ARHGEF38: variants seen among roughly 807,000 people sequenced by gnomAD.
ARHGEF38 encodes the protein Rho guanine nucleotide exchange factor 38, also known as Rho guanine nucleotide exchange factor (GEF) 38.
In ARHGEF38, 79 loss-of-function variants were observed where a neutral mutation model predicts 79.9. The observed-to-expected ratio is 0.99, with a 90% CI of 0.82 to 1.19. The LOEUF (loss-of-function observed/expected upper bound fraction) is 1.19. ARHGEF38 is among the 50% of genes most tolerant of loss of function. The pLI is 0.00. For synonymous variants in ARHGEF38, 366 were observed against 328.3 expected, an observed-to-expected ratio of 1.11 and a Z score of -1.24; for missense variants, 962 against 907.2, an observed-to-expected ratio of 1.06 and a Z score of -0.78.
intron 10 of ARHGEF38, among the ~76,000 whole-genome samples, chr4:105,661,001 A>G (rs1316724520): frequency 1.3e-5 from 2 of 152,084 alleles, no homozygotes; most frequent in East Asian, 3.9e-4. Flanking sequence ...TAACCTCCCC[A>G]GCTCTAGGCA....
chr4:105,624,301 C>G (rs760499989), intron 3 of ARHGEF38, among the ~76,000 whole-genome samples: 11 of 152,162 alleles, frequency 7.2e-5, no homozygotes, highest in Non-Finnish European at 1.3e-4. Context: ...GAGTTATGAT[C>G]TGAAGCTAGA....
At chr4:105,639,096 T>C (rs536257701) in intron 5 of ARHGEF38, among the ~76,000 whole-genome samples, 2 of 152,196 alleles carry the variant, frequency 1.3e-5, no homozygotes, top group African/African-American at 4.8e-5. Context: ...AATATTGATA[T>C]CTTTATAACT....
chr4:105,560,160 T>C (rs1469686423), intron 1 of ARHGEF38, among the ~76,000 whole-genome samples: 2 of 152,336 alleles, frequency 1.3e-5, no homozygotes, highest in Non-Finnish European at 2.9e-5. Context: ...GTTTTTCACT[T>C]TGGAATATAT....
intron 2 of ARHGEF38, among the ~76,000 whole-genome samples, chr4:105,600,681 C>A (rs193235910): frequency 6.6e-6 from 1 of 152,158 alleles, no homozygotes; most frequent in Admixed American, 6.6e-5. Flanking sequence ...CCACTCAAAT[C>A]TCTACTTAAT....
intron 13 of ARHGEF38, among the ~76,000 whole-genome samples, chr4:105,674,496 G>T (rs531753382): frequency 1.2e-3 from 180 of 152,150 alleles, no homozygotes; most frequent in African/African-American, 3.9e-3. Flanking sequence ...GTTCTTAAAT[G>T]CATGACAGGT....
intron 1 of ARHGEF38, among the ~76,000 whole-genome samples, chr4:105,565,350 TG>T (rs1376624799): frequency 6.6e-6 from 1 of 152,188 alleles, no homozygotes; most frequent in African/African-American, 2.4e-5. Context: ...CATCTTTCTG[TG>T]GGTCAGATTT....
chr4:105,631,484 G>C, intron 4 of ARHGEF38: 1 of 985,798 alleles, frequency 1.0e-6, no homozygotes, highest in Non-Finnish European at 1.2e-6. Context: ...TCACTGTGGG[G>C]AGATGGGTGA....
Position 105,664,212 on chromosome 4 carries a change from C to T in ARHGEF38, c.1546-1965C>T, listed in dbSNP as rs147696784. On this transcript the variant is annotated intron_variant, in intron 10 of 13. Coordinates refer to ENST00000420470, the MANE Select transcript of ARHGEF38 (RefSeq NM_001242729.2). ...CTCTATCTTTTTGAAGAATTCAAAGCTCTATTTTTAATTTTCATTTTTATT... is the reference window on the plus strand; with the variant it reads ...CTCTATCTTTTTGAAGAATTCAAAGTTCTATTTTTAATTTTCATTTTTATT... Among the ~76,000 whole-genome samples, 1,442 of 152,218 alleles carry T rather than the reference C, an allele frequency of 9.5e-3. 5 individuals are homozygous for T. Among genetic ancestry groups the T allele is most frequent in the Non-Finnish European group, 0.015 (1,006 of 67,994 alleles).
intron 3 of ARHGEF38, among the ~76,000 whole-genome samples, chr4:105,625,820 G>C (rs1176831074): frequency 1.3e-5 from 2 of 152,140 alleles, no homozygotes; most frequent in East Asian, 1.9e-4. Flanking sequence ...AGCAAGCTCT[G>C]TCACCCACCC....
intron 2 of ARHGEF38, among the ~76,000 whole-genome samples, chr4:105,595,923 C>T (rs1727558355): frequency 6.6e-6 from 1 of 152,166 alleles, no homozygotes; most frequent in Non-Finnish European, 1.5e-5. Context: ...AGAGGGTTGA[C>T]TGTATGCCAT....
intron 13 of ARHGEF38, among the ~76,000 whole-genome samples, chr4:105,671,041 C>T (rs1044341747): frequency 6.6e-6 from 1 of 152,008 alleles, no homozygotes; most frequent in Non-Finnish European, 1.5e-5. Flanking sequence ...ATTTCCATTA[C>T]CAAGAGAGGA....
chr4:105,645,574 G>A (rs899933415), intron 6 of ARHGEF38, among the ~76,000 whole-genome samples, 187 bp downstream of exon 6: 1 of 152,066 alleles, frequency 6.6e-6, no homozygotes, highest in Non-Finnish European at 1.5e-5. Context: ...AGATTAAGAG[G>A]CACAAGAAAT....
chr4:105,654,532 T>C (rs1325900985), intron 8 of ARHGEF38, among the ~76,000 whole-genome samples: 1 of 152,190 alleles, frequency 6.6e-6, no homozygotes, highest in African/African-American at 2.4e-5. Flanking sequence ...CTCTTTCTAG[T>C]ACCTAAAATA....
chr4:105,651,671 A>G (rs1216001076), intron 7 of ARHGEF38, among the ~76,000 whole-genome samples: 1 of 152,096 alleles, frequency 6.6e-6, no homozygotes, highest in East Asian at 1.9e-4. Flanking sequence ...TTTTTTAGAG[A>G]CAGAGTCTTG....
At chr4:105,631,351 T>C in intron 4 of ARHGEF38, 1 of 1,024,016 alleles carries the variant, frequency 9.8e-7, no homozygotes, top group Non-Finnish European at 1.2e-6. Context: ...GTAACTTGCC[T>C]GGCCCCACGT....
At chr4:105,652,421 C>G (rs1280126701) in intron 7 of ARHGEF38, among the ~76,000 whole-genome samples, 1 of 151,982 alleles carries the variant, frequency 6.6e-6, no homozygotes, top group Non-Finnish European at 1.5e-5. Context: ...GTTATGAGAG[C>G]ACATAGGAGA....
At chr4:105,647,081 G>A (rs1304815602) in intron 6 of ARHGEF38, among the ~76,000 whole-genome samples, 1 of 152,050 alleles carries the variant, frequency 6.6e-6, no homozygotes, top group Non-Finnish European at 1.5e-5. Context: ...TGGAAACAAA[G>A]CAAAATGTTA....
At chr4:105,661,509 T>TATC (rs1730562194) in intron 10 of ARHGEF38, among the ~76,000 whole-genome samples, 2 of 148,632 alleles carry the variant, frequency 1.3e-5, no homozygotes, top group Non-Finnish European at 3.0e-5. Context: ...TTATTATTAT[T>TATC]ATTATTATTG....
chr4:105,568,955 C>T (rs546931999), intron 1 of ARHGEF38, among the ~76,000 whole-genome samples: 5 of 152,232 alleles, frequency 3.3e-5, no homozygotes, highest in African/African-American at 7.2e-5. Flanking sequence ...TGAAATTATT[C>T]ACTACAACTA....
Sources: allele counts gnomAD v4.1 joint callset (sites outside exome capture counted in the v4.1 genomes callset), GRCh38; gene constraint gnomAD v4.1.1; transcripts MANE v1.5; gene names NCBI Gene and HGNC (gene_info 2026-07-23, HGNC 2026-07-21).